The following ATG4C variants were observed in gnomAD, a reference collection of about 807,000 sequenced individuals.
ATG4C encodes the protein cysteine protease ATG4C.
In ATG4C, 56 loss-of-function variants were observed where a neutral mutation model predicts 57.6. The ratio of observed to expected loss-of-function variants is 0.97; its 90% confidence interval spans 0.78 to 1.21. ATG4C has a LOEUF of 1.21. Ranked by LOEUF, ATG4C falls within the 50% of genes most tolerant of loss-of-function variation. The pLI, the probability that ATG4C is intolerant of heterozygous loss-of-function variation, is 0.00. For missense variants in ATG4C, 595 were observed against 529.8 expected (o/e 1.12, Z -1.21); for synonymous variants, 157 against 174.1 (o/e 0.90, Z 0.78).
chr1:62,807,708 T>A (rs1664926902), intron 3 of ATG4C, among the ~76,000 whole-genome samples: 1 of 152,210 alleles, frequency 6.6e-6, no homozygotes, highest in African/African-American at 2.4e-5. Flanking sequence ...CCTTTCTCTG[T>A]GTACCTTTTC....
intron 10 of ATG4C, among the ~76,000 whole-genome samples, chr1:62,851,593 A>G (rs1484064621): frequency 1.3e-5 from 2 of 152,204 alleles, no homozygotes; most frequent in Non-Finnish European, 2.9e-5. Flanking sequence ...AGTTCTTGTC[A>G]CAGAAGCATC....
intron 10 of ATG4C, among the ~76,000 whole-genome samples, chr1:62,859,765 G>A (rs941564618): frequency 4.0e-5 from 6 of 151,552 alleles, no homozygotes; most frequent in African/African-American, 1.5e-4. Context: ...GTGCAATCTT[G>A]ACTGACTGCA....
At chr1:62,809,469 A>C (rs1003219393) in intron 3 of ATG4C, among the ~76,000 whole-genome samples, 1 of 147,526 alleles carries the variant, frequency 6.8e-6, no homozygotes, top group African/African-American at 2.5e-5. Context: ...GTATATATAA[A>C]TACATATAGA....
intron 5 of ATG4C, among the ~76,000 whole-genome samples, chr1:62,819,699 G>A (rs935573827): frequency 6.6e-6 from 1 of 151,836 alleles, no homozygotes; most frequent in African/African-American, 2.4e-5. Context: ...GGGCTGTAAT[G>A]TACTGATAGT....
chr1:62,817,015 T>G (rs1172196449), intron 4 of ATG4C, among the ~76,000 whole-genome samples: 1 of 152,162 alleles, frequency 6.6e-6, no homozygotes, highest in Non-Finnish European at 1.5e-5. Flanking sequence ...CTTCCCTGAT[T>G]CCCTTTTCAA....
At chr1:62,785,034 T>G (rs1263959236) in intron 1 of ATG4C, among the ~76,000 whole-genome samples, 1 of 152,358 alleles carries the variant, frequency 6.6e-6, no homozygotes, top group Admixed American at 6.5e-5. Context: ...TGCTACCCTA[T>G]AGTTACAGAA....
chr1:62,802,209 T>A (rs1329945634), intron 1 of ATG4C, among the ~76,000 whole-genome samples: 1 of 151,948 alleles, frequency 6.6e-6, no homozygotes, highest in East Asian at 1.9e-4. Flanking sequence ...TCACCAAGAC[T>A]TACTGAATTT....
At chr1:62,838,504 A>T (rs191236508) in intron 9 of ATG4C, among the ~76,000 whole-genome samples, 58 of 152,324 alleles carry the variant, frequency 3.8e-4, no homozygotes, top group Non-Finnish European at 6.9e-4. Flanking sequence ...ATGGCCAGGC[A>T]TGATGGCTCC....
At chr1:62,814,708 A>G (rs182526453) in intron 3 of ATG4C, among the ~76,000 whole-genome samples, 6 of 152,234 alleles carry the variant, frequency 3.9e-5, no homozygotes, top group Admixed American at 6.5e-5. Context: ...TATGTTTCTT[A>G]TAGGAAGTAC....
chr1:62,820,354 T>C (rs1004420301), intron 5 of ATG4C, among the ~76,000 whole-genome samples: 1 of 152,026 alleles, frequency 6.6e-6, no homozygotes. Flanking sequence ...CTTAAAACTG[T>C]CAAAAACCTT....
chr1:62,791,532 T>G (rs945616750), intron 1 of ATG4C, among the ~76,000 whole-genome samples: 2 of 152,166 alleles, frequency 1.3e-5, no homozygotes, highest in African/African-American at 4.8e-5. Flanking sequence ...CTACATTTGG[T>G]GAGGGCCTTC....
chr1:62,806,749 A>G (rs899087183), intron 3 of ATG4C, among the ~76,000 whole-genome samples: 1 of 152,182 alleles, frequency 6.6e-6, no homozygotes, highest in Non-Finnish European at 1.5e-5. Context: ...GATCTTCAGT[A>G]AAGTCAGTTA....
chr1:62,846,703 A>C (rs1285587485), intron 10 of ATG4C, among the ~76,000 whole-genome samples: 5 of 152,078 alleles, frequency 3.3e-5, no homozygotes. Context: ...TCTCATAACA[A>C]CTTATATATT....
intron 2 of ATG4C, among the ~76,000 whole-genome samples, chr1:62,804,633 T>C (rs1012765612): frequency 1.3e-5 from 2 of 152,188 alleles, no homozygotes; most frequent in Non-Finnish European, 2.9e-5. Flanking sequence ...CTAGATATTA[T>C]TTTTAACCTA....
At chr1:62,843,217 A>T (rs1666225109) in intron 10 of ATG4C, among the ~76,000 whole-genome samples, 1 of 152,208 alleles carries the variant, frequency 6.6e-6, no homozygotes, top group African/African-American at 2.4e-5. Flanking sequence ...TGGCTTTTAC[A>T]TTGGAAAAAT....
At chr1:62,850,885 TATATATATATATATATAC>T (rs1203952613) in intron 10 of ATG4C, among the ~76,000 whole-genome samples, 6 of 78,108 alleles carry the variant, frequency 7.7e-5, no homozygotes, top group African/African-American at 3.4e-4. Context: ...TATATATATA[TATATATATATATATATAC>T]ATACACATAC....
At chr1:62,827,347 T>G (rs956932852) in intron 6 of ATG4C, among the ~76,000 whole-genome samples, 2 of 152,192 alleles carry the variant, frequency 1.3e-5, no homozygotes, top group Non-Finnish European at 2.9e-5. Context: ...TCTTTTAACT[T>G]GGAATGCTTT....
rs774527039 is a variant in ATG4C, at chr1:62,819,188, A to G, written c.578A>G (p.Asn193Ser). 1 of 1,613,618 alleles carries G rather than the reference A, an allele frequency of 6.2e-7. No homozygotes were observed. Among genetic ancestry groups the G allele is most frequent in the Non-Finnish European group, 8.5e-7 (1 of 1,179,736 alleles). The change falls in exon 5 of 11, where the codon AAT (asparagine) becomes AGT (serine). Residue 193 changes from asparagine (N) to serine (S), a missense_variant. By Grantham distance (46) the Asn-to-Ser change is conservative (BLOSUM62 1). Transcript: ENST00000317868. Reference protein sequence around the residue: ...GKYSDDHEMRNEVYHRKIISW... With the variant: ...GKYSDDHEMRSEVYHRKIISW... Reference sequence around the variant, plus strand: ...TATTCTGATGATCATGAAATGCGAAATGAAGTTTATCATAGGAAAATCATC... The same window carrying G: ...TATTCTGATGATCATGAAATGCGAAGTGAAGTTTATCATAGGAAAATCATC...
intron 7 of ATG4C, among the ~76,000 whole-genome samples, chr1:62,832,480 A>G (rs150509126): frequency 5.9e-5 from 9 of 152,248 alleles, no homozygotes; most frequent in South Asian, 4.2e-4. Flanking sequence ...AAGAGGGCGA[A>G]CTCTGTCCTC....
Sources: allele counts gnomAD v4.1 joint callset (sites outside exome capture counted in the v4.1 genomes callset), GRCh38; gene constraint gnomAD v4.1.1; transcripts MANE v1.5; gene names NCBI Gene and HGNC (gene_info 2026-07-23, HGNC 2026-07-21).